The following NBPF14 variants were observed in gnomAD, a reference collection of about 807,000 sequenced individuals.
NBPF14 encodes NBPF member 14, also known as NBPF family member NBPF14.
Under a neutral mutation model 91.2 loss-of-function variants are expected in NBPF14, and 104 were observed. The ratio of observed to expected loss-of-function variants is 1.14; its 90% CI spans 0.97 to 1.34. The LOEUF (loss-of-function observed/expected upper bound fraction) is 1.34. Among genes scored for constraint, NBPF14 ranks in the 40% most tolerant of loss-of-function variants. The pLI, the probability that NBPF14 is intolerant of heterozygous loss-of-function variation, is 0.00. For missense variants in NBPF14, 908 were observed against 783.0 expected, an observed-to-expected ratio of 1.16 and a Z score of -1.91; for synonymous variants, 294 against 303.8, an observed-to-expected ratio of 0.97 and a Z score of 0.34.
intron 15 of NBPF14, among the ~76,000 whole-genome samples, chr1:148,576,911 G>T (rs1286741372): frequency 2.1e-5 from 3 of 144,180 alleles, no homozygotes; most frequent in African/African-American, 7.4e-5. Flanking sequence ...AGAGTTGTGT[G>T]AATTTGTCAC....
At chr1:148,577,408 C>G (rs1177207544) in intron 14 of NBPF14, 53 bp from the exon 15 acceptor site, 6 of 652,984 alleles carry the variant, frequency 9.2e-6, no homozygotes, top group Admixed American at 4.4e-5. Context: ...AGAAACCACA[C>G]AGCCCCAGCT....
At chr1:148,535,406 T>A (rs1376914877) in intron 68 of NBPF14, 47 bp downstream of exon 68, 1 of 506,018 alleles carries the variant, frequency 2.0e-6, no homozygotes, top group Non-Finnish European at 3.4e-6. Flanking sequence ...ACCTGGCATC[T>A]CCAGGTGTCA....
chr1:148,534,224 C>A (rs1421172527), intron 69 of NBPF14, among the ~76,000 whole-genome samples: 1 of 151,192 alleles, frequency 6.6e-6, no homozygotes, highest in Admixed American at 6.7e-5. Context: ...TTTCTGCAAA[C>A]AGTTACGCCA....
At chr1:148,574,428 C>CAA (rs1659451364) in intron 18 of NBPF14, among the ~76,000 whole-genome samples, 3 of 47,410 alleles carry the variant, frequency 6.3e-5, no homozygotes. Flanking sequence ...GATAGACACA[C>CAA]ACACACACAC....
chr1:148,534,454 C>G lies in NBPF14; in HGVS notation c.8614+230G>C, dbSNP rs1166860268. On this transcript the variant is annotated intron_variant, in intron 69 of 70. Coordinates refer to ENST00000619423, the Ensembl canonical transcript of NBPF14. ...AGGTCCAATGTCATGAGAATAGGAT[C>G]AGGGCGCCACAGGTATGGCCTGAGA... is the stretch of plus-strand genomic sequence containing the variant. Among the ~76,000 whole-genome samples, 10 of 151,374 alleles carry G rather than the reference C, an allele frequency of 6.6e-5. No homozygotes were observed. In the East Asian group the frequency reaches 7.8e-4, roughly 12 times the overall value.
Position 148,566,379 on chromosome 1 carries a change from A to G in NBPF14, c.3543-64T>C, listed in dbSNP as rs1250404878. 13 of 738,910 alleles carry G rather than the reference A, an allele frequency of 1.8e-5. 2 individuals are homozygous for G. The highest frequency in any genetic ancestry group is 3.6e-5 in the Admixed American group (2 of 55,870). 45.8% of individuals were successfully genotyped at this position (738,910 alleles called of 1,614,324 possible). On this transcript the variant is annotated intron_variant, in intron 28 of 70. Coordinates refer to ENST00000619423, the Ensembl canonical transcript of NBPF14. ...AATCAGACACAACAGAGCCTCAACT[A>G]GGTTTCATGGGTAGCATAGGGAAGT...
At chr1:148,572,725 G>C in intron 20 of NBPF14, 110 bp from the exon 21 acceptor site, 1 of 620,492 alleles carries the variant, frequency 1.6e-6, no homozygotes, top group East Asian at 2.8e-5. Context: ...AAAAAGGACA[G>C]ATCCATTAAT....
intron 16 of NBPF14, among the ~76,000 whole-genome samples, 193 bp from the exon 17 acceptor site, chr1:148,576,004 G>T (rs1225012394): frequency 6.8e-6 from 1 of 146,332 alleles, no homozygotes; most frequent in East Asian, 2.0e-4. Context: ...AGAAAGACAG[G>T]GAGAGGGAGA....
chr1:148,560,614 CCTT>C (rs1657690407), exon 36 of NBPF14: 1 of 188,488 alleles, frequency 5.3e-6, no homozygotes, highest in African/African-American at 2.0e-4. Context: ...ATCTTCTTCC[CCTT>C]CTTTTCTTCC....
intron 43 of NBPF14, among the ~76,000 whole-genome samples, chr1:148,554,752 G>C (rs1461626260): frequency 1.7e-3 from 253 of 146,916 alleles, no homozygotes; most frequent in African/African-American, 6.6e-3. Context: ...GCTGAAATTA[G>C]AGTGAAGGAT....
In NBPF14 at chr1:148,534,062, C is replaced by G; in HGVS notation, c.8615-93G>C. ...CTAATCCTCACACAGGGACCTCAGG[C>G]TCCTCAGCATAAGAATAGGACACTG... On this transcript the variant is annotated intron_variant, in intron 69 of 70. Coordinates refer to ENST00000619423, the Ensembl canonical transcript of NBPF14. 6.6e-6 allele frequency: 4 copies of G among 607,886 alleles called. No homozygotes were observed. In the Admixed American group the frequency reaches 1.1e-4, roughly 17 times the overall value. The allele number at this position is 607,886 out of a possible 1,614,324, so 37.7% of individuals were successfully genotyped here.
At chr1:148,572,723 C>G (rs1322197308) in intron 20 of NBPF14, 108 bp from the exon 21 acceptor site, 1 of 625,588 alleles carries the variant, frequency 1.6e-6, no homozygotes, top group Non-Finnish European at 2.8e-6. Flanking sequence ...AGAAAAAGGA[C>G]AGATCCATTA....
Position 148,592,637 on chromosome 1 carries a change from C to T in NBPF14, c.408G>A (p.Pro136=), listed in dbSNP as rs1386711714. 45 of 1,586,956 alleles carry T rather than the reference C, an allele frequency of 2.8e-5. 8 individuals carry two copies. The highest frequency in any genetic ancestry group is 1.3e-4 in the South Asian group (12 of 89,566). Residue 136 remains proline (P), a synonymous_variant, in exon 4 of 71, where the codon CCG becomes CCA. Transcript: ENST00000619423. Reference sequence around the variant, plus strand: ...GGAGGTCCTGCCCCTGGGACTTGTCCGGCTCATACGGAGTGAGGAGGGCCT... The same window carrying T: ...GGAGGTCCTGCCCCTGGGACTTGTCTGGCTCATACGGAGTGAGGAGGGCCT...
intron 28 of NBPF14, 137 bp downstream of exon 28, chr1:148,566,813 AAC>A (rs1658539181): frequency 6.7e-6 from 2 of 299,638 alleles, no homozygotes; most frequent in Non-Finnish European, 1.2e-5. Context: ...CTGCAATGAA[AAC>A]CAACAGCAAT....
At chr1:148,535,549 C>T in intron 67 of NBPF14, 45 bp from the exon 68 acceptor site, 1 of 316,450 alleles carries the variant, frequency 3.2e-6, no homozygotes, top group Non-Finnish European at 5.4e-6. Context: ...GCTGGTTCTC[C>T]TACACACATA....
intron 14 of NBPF14, among the ~76,000 whole-genome samples, chr1:148,577,671 C>G (rs1262577228): frequency 1.4e-5 from 2 of 148,044 alleles, no homozygotes; most frequent in South Asian, 2.2e-4. Context: ...TCAGGACACA[C>G]AGTGAACAGT....
exon 69 of NBPF14, chr1:148,534,739 G>C (rs1654719232): frequency 3.6e-6 from 3 of 828,684 alleles, no homozygotes; most frequent in Admixed American, 1.8e-5. Flanking sequence ...AAACAGCACT[G>C]CTGTAGGGCT....
chr1:148,534,459 C>T (rs1245819109), intron 69 of NBPF14, among the ~76,000 whole-genome samples: 10 of 151,356 alleles, frequency 6.6e-5, no homozygotes, highest in Middle Eastern at 3.4e-3. Flanking sequence ...AGGATCAGGG[C>T]GCCACAGGTA....
Position 148,534,224 on chromosome 1 carries a change from C to G in NBPF14, c.8615-255G>C, listed in dbSNP as rs1421172527. On this transcript the variant is annotated intron_variant, in intron 69 of 70. Transcript: ENST00000619423. ...ATCATTTGTCCCAAGTTTCTGCAAA[C>G]AGTTACGCCATATTTTTCCAATCAA... 7.3e-5 allele frequency among the ~76,000 whole-genome samples: 11 copies of G among 151,306 alleles called. 1 individual carries two copies. In the South Asian group the frequency reaches 8.3e-4, roughly 11 times the overall value.
Sources: gnomAD v4.1 joint callset for allele counts (sites outside exome capture counted in the v4.1 genomes callset) on GRCh38, gnomAD v4.1.1 for gene constraint, MANE v1.5 for transcripts, NCBI Gene and HGNC (gene_info 2026-07-23, HGNC 2026-07-21) for gene names.